STARD13: variants seen among roughly 807,000 people sequenced by gnomAD.
STARD13 encodes the protein stAR-related lipid transfer protein 13.
Under a neutral mutation model 106.4 loss-of-function variants are expected in STARD13, and 62 were observed. The ratio of observed to expected loss-of-function variants is 0.58; its 90% CI spans 0.48 to 0.72. STARD13 has a LOEUF of 0.72. STARD13 is among the 30% of genes least tolerant of loss of function. The pLI is 0.00. For missense variants in STARD13, 1,387 were observed against 1,424.0 expected, an observed-to-expected ratio of 0.97 and a Z score of 0.42; for synonymous variants, 565 against 553.0, an observed-to-expected ratio of 1.02 and a Z score of -0.31.
chr13:33,618,542 G>A, the STARD13 span, among the ~76,000 whole-genome samples: 42 of 149,468 alleles, frequency 2.8e-4, no homozygotes, highest in Non-Finnish European at 4.9e-4. Flanking sequence ...ATCTTACATC[G>A]ATGGCTTGCT....
chr13:33,416,000 T>A, the STARD13 span, among the ~76,000 whole-genome samples: 1 of 152,232 alleles, frequency 6.6e-6, no homozygotes, highest in African/African-American at 2.4e-5. Flanking sequence ...AAAATGATCA[T>A]GTTTTTGCTG....
chr13:33,254,319 C>T (rs1469549208), intron 1 of STARD13, among the ~76,000 whole-genome samples: 3 of 152,176 alleles, frequency 2.0e-5, no homozygotes, highest in African/African-American at 4.8e-5. Context: ...AGAACACGTG[C>T]GTGTGACACA....
intron 12 of STARD13, 71 bp downstream of exon 12, chr13:33,109,802 G>T: frequency 1.4e-6 from 2 of 1,437,960 alleles, no homozygotes; most frequent in Non-Finnish European, 2.0e-6. Flanking sequence ...GACACCAGGA[G>T]AAGTGCTCAC....
the STARD13 span, among the ~76,000 whole-genome samples, chr13:33,612,838 G>A: frequency 3.9e-5 from 6 of 152,174 alleles, no homozygotes; most frequent in African/African-American, 1.2e-4. Flanking sequence ...ACCGAAGACT[G>A]TTCTAACTTC....
intron 1 of STARD13, chr13:33,336,271 A>T (rs1234296613): frequency 1.3e-5 from 2 of 152,180 alleles, no homozygotes; most frequent in Non-Finnish European, 2.9e-5. Context: ...CTGGAAAGTA[A>T]AACTTGTTAT....
chr13:33,463,165 T>C, the STARD13 span, among the ~76,000 whole-genome samples: 1 of 152,154 alleles, frequency 6.6e-6, no homozygotes, highest in African/African-American at 2.4e-5. Context: ...CAGGAAAGAA[T>C]TCAAGGGTGA....
chr13:33,568,663 C>A, the STARD13 span, among the ~76,000 whole-genome samples: 1 of 147,476 alleles, frequency 6.8e-6, no homozygotes, highest in African/African-American at 2.5e-5. Flanking sequence ...ATCAGAAAGT[C>A]CCAGGTTATA....
At chr13:33,379,870 T>C in the STARD13 span, among the ~76,000 whole-genome samples, 3 of 152,206 alleles carry the variant, frequency 2.0e-5, no homozygotes, top group Non-Finnish European at 4.4e-5. Context: ...TCCATTTAAT[T>C]TGAGCATCAT....
intron 1 of STARD13, among the ~76,000 whole-genome samples, chr13:33,180,965 C>T (rs941174732): frequency 6.6e-5 from 10 of 152,090 alleles, no homozygotes; most frequent in South Asian, 2.1e-4. Context: ...CTCAATTTAA[C>T]GCATAAACCG....
At chr13:33,407,477 T>C in the STARD13 span, among the ~76,000 whole-genome samples, 1 of 152,248 alleles carries the variant, frequency 6.6e-6, no homozygotes, top group Non-Finnish European at 1.5e-5. Context: ...TTTTGGCTTT[T>C]ATTTTGCCAT....
the STARD13 span, among the ~76,000 whole-genome samples, chr13:33,440,262 GA>G: frequency 7.1e-6 from 1 of 141,512 alleles, no homozygotes; most frequent in Non-Finnish European, 1.5e-5. Context: ...CTGGGCGACA[GA>G]ACGAGGCAAA....
upstream of STARD13, among the ~76,000 whole-genome samples, chr13:33,352,188 T>C (rs889942022): frequency 1.3e-5 from 2 of 152,198 alleles, no homozygotes; most frequent in Non-Finnish European, 2.9e-5. Context: ...CAGATTGCTT[T>C]CTGGACACAA....
chr13:33,586,952 G>A, the STARD13 span, among the ~76,000 whole-genome samples: 3 of 152,216 alleles, frequency 2.0e-5, no homozygotes, highest in Non-Finnish European at 2.9e-5. Context: ...GGTGGCTCAC[G>A]CCTGTAATCC....
the STARD13 span, among the ~76,000 whole-genome samples, chr13:33,429,586 A>G: frequency 2.6e-5 from 4 of 152,330 alleles, no homozygotes; most frequent in Middle Eastern, 6.8e-3. Flanking sequence ...TCAGCCATAA[A>G]AAACAATAAG....
chr13:33,651,336 A>C, the STARD13 span, among the ~76,000 whole-genome samples: 2 of 152,224 alleles, frequency 1.3e-5, no homozygotes, highest in African/African-American at 4.8e-5. Flanking sequence ...GAGTTGTAAG[A>C]CATCAAAGAA....
chr13:33,233,533 A>G (rs1409312612), intron 1 of STARD13, among the ~76,000 whole-genome samples: 1 of 152,112 alleles, frequency 6.6e-6, no homozygotes, highest in Non-Finnish European at 1.5e-5. Flanking sequence ...GCCCTTAATA[A>G]AAATTCTCTG....
chr13:33,274,213 GTGAGTA>G (rs1351176987), intron 1 of STARD13, among the ~76,000 whole-genome samples: 2 of 152,048 alleles, frequency 1.3e-5, no homozygotes, highest in Non-Finnish European at 2.9e-5. Context: ...ACCTTAGAGT[GTGAGTA>G]TATTTGAAGA....
chr13:33,273,291 A>C (rs915399401), intron 1 of STARD13, among the ~76,000 whole-genome samples: 1 of 152,224 alleles, frequency 6.6e-6, no homozygotes, highest in Non-Finnish European at 1.5e-5. Flanking sequence ...CTGGTGAAGG[A>C]ATTAATATGA....
At chr13:33,255,365 T>C (rs1214756436) in intron 1 of STARD13, among the ~76,000 whole-genome samples, 2 of 151,958 alleles carry the variant, frequency 1.3e-5, no homozygotes, top group African/African-American at 4.8e-5. Context: ...ACTATTATTA[T>C]CAAAGCTAAG....
Sources: allele counts gnomAD v4.1 joint callset (sites outside exome capture counted in the v4.1 genomes callset), GRCh38; gene constraint gnomAD v4.1.1; transcripts MANE v1.5; gene names NCBI Gene and HGNC (gene_info 2026-07-23, HGNC 2026-07-21).